NETO2: variants seen among roughly 807,000 people sequenced by gnomAD.
NETO2 encodes neuropilin and tolloid like 2.
A neutral mutation model predicts 62.5 loss-of-function variants in NETO2; 28 were observed. The observed-to-expected ratio is 0.45, with a 90% CI of 0.33 to 0.61. The LOEUF is 0.61. Ranked by LOEUF, NETO2 falls within the 20% of genes least tolerant of loss-of-function variation. The pLI, the probability that NETO2 is intolerant of heterozygous loss-of-function variation, is 0.02. For synonymous variants in NETO2, 214 were observed against 219.1 expected (o/e 0.98, Z 0.21); for missense variants, 548 against 643.2 (o/e 0.85, Z 1.60).
chr16:47,115,652 C>T (rs1162447314), intron 6 of NETO2, among the ~76,000 whole-genome samples: 7 of 146,510 alleles, frequency 4.8e-5, no homozygotes, highest in Admixed American at 1.4e-4. Context: ...CTCAGCCTCC[C>T]GGGTAGCTGG....
chr16:47,142,338 G>C (rs1046110087), intron 1 of NETO2, among the ~76,000 whole-genome samples: 6 of 152,118 alleles, frequency 3.9e-5, no homozygotes, highest in Admixed American at 3.9e-4. Flanking sequence ...GTTTACAGTG[G>C]GGTAGTTAAA....
chr16:47,080,384 T>A lies in NETO2; in HGVS notation c.*2837A>T, dbSNP rs2082364786. 1 of 152,218 alleles carries A rather than the reference T, an allele frequency of 6.6e-6. No homozygotes were observed. Among genetic ancestry groups the A allele is most frequent in the Non-Finnish European group, 1.5e-5 (1 of 68,026 alleles). 9.4% of individuals were successfully genotyped at this position (152,218 alleles called of 1,614,324 possible). A position where few individuals can be genotyped will look rare whatever the true frequency, so the allele number is the denominator to read the frequency against. On this transcript the variant is annotated 3_prime_UTR_variant, in exon 9 of 9. Transcript: ENST00000562435. Reference sequence around the variant, plus strand: ...GGGACACTGTGTGGGGTACCCTGCGTGACAGTTAATACTGTGTAATGAATT... The same window carrying A: ...GGGACACTGTGTGGGGTACCCTGCGAGACAGTTAATACTGTGTAATGAATT...
At chr16:47,126,344 G>A (rs2151488576) in intron 4 of NETO2, among the ~76,000 whole-genome samples, 1 of 152,246 alleles carries the variant, frequency 6.6e-6, no homozygotes, top group South Asian at 2.1e-4. Flanking sequence ...AAAAAGACAT[G>A]GAGGAAACTT....
In NETO2 at chr16:47,143,617, C is replaced by A; in HGVS notation, c.-5G>T. On this transcript the variant is annotated 5_prime_UTR_variant, in exon 1 of 9. Transcript: ENST00000562435. ...GCAGAGCCGCTCCAGGGCCATGTTCCCGAGCTGCCCGGCGCTTCGCGAAGG... is the reference window on the plus strand; with the variant it reads ...GCAGAGCCGCTCCAGGGCCATGTTCACGAGCTGCCCGGCGCTTCGCGAAGG... 2 of 1,222,038 alleles carry A rather than the reference C, an allele frequency of 1.6e-6. No homozygotes were observed. Among genetic ancestry groups the A allele is most frequent in the Non-Finnish European group, 2.0e-6 (2 of 977,968 alleles). The allele number at this position is 1,222,038 out of a possible 1,614,324, so 75.7% of individuals were successfully genotyped here. A position where few individuals can be genotyped will look rare whatever the true frequency, so the allele number is the denominator to read the frequency against.
Position 47,143,700 on chromosome 16 carries a change from C to A in NETO2, c.-88G>T. The A allele has an allele frequency of 8.3e-7, 1 of 1,207,594 alleles. No individual in the cohort carries two copies. Among genetic ancestry groups the A allele is most frequent in the Non-Finnish European group, 1.0e-6 (1 of 970,918 alleles). 74.8% of individuals were successfully genotyped at this position (1,207,594 alleles called of 1,614,324 possible). A position where few individuals can be genotyped will look rare whatever the true frequency, so the allele number is the denominator to read the frequency against. On this transcript the variant is annotated 5_prime_UTR_variant, in exon 1 of 9. Transcript: ENST00000562435. ...ACGGCTCGGCGCGGCGGCGACGGCCCCACTCCGTCCCCATCGCCGGCCAGC... is the reference window on the plus strand; with the variant it reads ...ACGGCTCGGCGCGGCGGCGACGGCCACACTCCGTCCCCATCGCCGGCCAGC...
chr16:47,132,504 A>T (rs747727831), intron 1 of NETO2, among the ~76,000 whole-genome samples: 11 of 152,172 alleles, frequency 7.2e-5, no homozygotes, highest in Non-Finnish European at 1.5e-4. Context: ...TCTCCTAGAA[A>T]TCAATTCAAA....
intron 7 of NETO2, among the ~76,000 whole-genome samples, chr16:47,091,420 G>C (rs1425295154): frequency 6.6e-6 from 1 of 152,174 alleles, no homozygotes; most frequent in Non-Finnish European, 1.5e-5. Flanking sequence ...TCTCATCATG[G>C]ATATAGACCA....
At chr16:47,115,740 T>TATAC (rs1963907330) in intron 6 of NETO2, among the ~76,000 whole-genome samples, 3 of 144,938 alleles carry the variant, frequency 2.1e-5, no homozygotes, top group Admixed American at 1.4e-4. Context: ...TACATGTATA[T>TATAC]ATATATATTT....
chr16:47,140,198 C>T (rs1964434614), intron 1 of NETO2, among the ~76,000 whole-genome samples: 2 of 152,066 alleles, frequency 1.3e-5, no homozygotes, highest in Non-Finnish European at 1.5e-5. Context: ...TTTTCAAGTG[C>T]TTCCTCACAA....
intron 7 of NETO2, among the ~76,000 whole-genome samples, chr16:47,090,516 G>A (rs1000440309): frequency 6.6e-6 from 1 of 152,148 alleles, no homozygotes; most frequent in Non-Finnish European, 1.5e-5. Flanking sequence ...CTTATAGCCT[G>A]AGAACTCTCT....
At chr16:47,112,642 G>A (rs1428993739) in intron 6 of NETO2, among the ~76,000 whole-genome samples, 3 of 152,236 alleles carry the variant, frequency 2.0e-5, no homozygotes, top group African/African-American at 7.2e-5. Flanking sequence ...TTACAAGCGT[G>A]AGCCACTGCG....
chr16:47,143,905 G>T lies in NETO2; in HGVS notation c.-293C>A, dbSNP rs1023339442. On this transcript the variant is annotated 5_prime_UTR_variant, in exon 1 of 9. In the 5' UTR this introduces an upstream ATG that the reference lacks. Transcript: ENST00000562435. ...GCGGACGCGCGGCGCGGGACCGGCA[G>T]GCAGCTCCGCCCGCGGCCCCGGCGC... 4.9e-6 allele frequency: 1 copy of T among 203,070 alleles called. No individual in the cohort carries two copies. The highest frequency in any genetic ancestry group is 6.0e-5 in the Admixed American group (1 of 16,584). 12.6% of individuals were successfully genotyped at this position (203,070 alleles called of 1,614,324 possible).
At chr16:47,093,465 C>T (rs538206273) in intron 7 of NETO2, among the ~76,000 whole-genome samples, 8 of 152,320 alleles carry the variant, frequency 5.3e-5, no homozygotes, top group Admixed American at 2.6e-4. Flanking sequence ...GTCAATCCTA[C>T]ACTGTCACTA....
At chr16:47,090,910 A>G (rs1465577229) in intron 7 of NETO2, among the ~76,000 whole-genome samples, 1 of 152,212 alleles carries the variant, frequency 6.6e-6, no homozygotes, top group Non-Finnish European at 1.5e-5. Flanking sequence ...ATGGGTAGGC[A>G]TGAACTGAAT....
chr16:47,123,041 T>C (rs2151486545), intron 4 of NETO2, 129 bp from the exon 5 acceptor site: 2 of 811,948 alleles, frequency 2.5e-6, no homozygotes, highest in Non-Finnish European at 4.0e-6. Context: ...AAACTACATA[T>C]CATTGGTCAT....
intron 2 of NETO2, among the ~76,000 whole-genome samples, chr16:47,130,219 C>G (rs1964237150): frequency 6.6e-6 from 1 of 152,116 alleles, no homozygotes; most frequent in Non-Finnish European, 1.5e-5. Context: ...AGATATTGAG[C>G]CTTTAAGCAG....
chr16:47,131,435 ATTAAC>A (rs907769563), intron 2 of NETO2, among the ~76,000 whole-genome samples: 73 of 152,326 alleles, frequency 4.8e-4, no homozygotes, highest in African/African-American at 1.7e-3. Flanking sequence ...ATTTTTCCTA[ATTAAC>A]TTTTTAGGAA....
intron 7 of NETO2, among the ~76,000 whole-genome samples, chr16:47,097,340 G>A (rs1452220491): frequency 6.6e-6 from 1 of 152,202 alleles, no homozygotes; most frequent in Non-Finnish European, 1.5e-5. Context: ...GGTAGGGGGA[G>A]GGGCATCTGC....
chr16:47,105,316 T>C (rs1963650379), intron 7 of NETO2, among the ~76,000 whole-genome samples: 1 of 152,168 alleles, frequency 6.6e-6, no homozygotes, highest in Non-Finnish European at 1.5e-5. Context: ...GAGCCTTAAC[T>C]TACACTATAT....
Sources: gnomAD v4.1 joint callset for allele counts (sites outside exome capture counted in the v4.1 genomes callset) on GRCh38, gnomAD v4.1.1 for gene constraint, MANE v1.5 for transcripts, NCBI Gene and HGNC (gene_info 2026-07-23, HGNC 2026-07-21) for gene names.